Variants in SOX5 observed in about 807,000 individuals in gnomAD.
SOX5 encodes the protein transcription factor SOX-5.
A neutral mutation model predicts 92.0 loss-of-function variants in SOX5; 9 were observed. The ratio of observed to expected loss-of-function variants is 0.10; its 90% CI spans 0.06 to 0.17. SOX5 has a LOEUF of 0.17. Ranked by LOEUF, SOX5 falls within the 10% of genes least tolerant of loss-of-function variation. SOX5 has a pLI of 1.00. For synonymous variants in SOX5, 344 were observed against 336.3 expected (o/e 1.02, Z -0.25); for missense variants, 642 against 944.5 (o/e 0.68, Z 4.20).
chr12:24,290,195 T>TA (rs1239488526), intron 2 of SOX5, among the ~76,000 whole-genome samples: 1 of 152,204 alleles, frequency 6.6e-6, no homozygotes, highest in African/African-American at 2.4e-5. Flanking sequence ...ATACTGTTTT[T>TA]AACAGATGGC....
At chr12:24,513,037 T>C (rs1949466567) in intron 1 of SOX5, among the ~76,000 whole-genome samples, 1 of 152,228 alleles carries the variant, frequency 6.6e-6, no homozygotes, top group African/African-American at 2.4e-5. Flanking sequence ...CTCATGCTAC[T>C]GATATGTGGT....
chr12:23,651,219 C>A (rs1473994283), intron 7 of SOX5, among the ~76,000 whole-genome samples: 1 of 151,822 alleles, frequency 6.6e-6, no homozygotes, highest in Non-Finnish European at 1.5e-5. Context: ...TACATATACA[C>A]ATATATACAT....
At chr12:24,040,893 A>T (rs982371495) in intron 4 of SOX5, among the ~76,000 whole-genome samples, 6 of 152,124 alleles carry the variant, frequency 3.9e-5, no homozygotes, top group Admixed American at 6.5e-5. Context: ...CAAAAAAAAA[A>T]TTCATTTAAT....
intron 1 of SOX5, among the ~76,000 whole-genome samples, chr12:24,455,671 G>A (rs574681896): frequency 4.6e-5 from 7 of 152,294 alleles, no homozygotes; most frequent in Non-Finnish European, 1.0e-4. Context: ...GCATTCCAAT[G>A]AAGACTGATA....
chr12:23,710,237 T>G (rs996046437), intron 6 of SOX5, among the ~76,000 whole-genome samples: 1 of 152,088 alleles, frequency 6.6e-6, no homozygotes, highest in Non-Finnish European at 1.5e-5. Context: ...GTGCAATATA[T>G]GATATATATT....
chr12:23,928,985 A>G (rs1465531263), intron 1 of SOX5, among the ~76,000 whole-genome samples: 6 of 151,524 alleles, frequency 4.0e-5, no homozygotes. Context: ...AATATCTGAA[A>G]GAAAATTATA....
chr12:24,249,890 T>C (rs762610571), intron 3 of SOX5, among the ~76,000 whole-genome samples: 3 of 152,238 alleles, frequency 2.0e-5, no homozygotes, highest in Non-Finnish European at 4.4e-5. Flanking sequence ...TAGTGCTTTT[T>C]TTTCCTTTCC....
intron 3 of SOX5, among the ~76,000 whole-genome samples, chr12:23,841,831 T>C (rs1197329473): frequency 6.6e-6 from 1 of 152,114 alleles, no homozygotes; most frequent in African/African-American, 2.4e-5. Context: ...TTTGGAGTGG[T>C]GAAGGCTATT....
chr12:24,298,792 A>AAAAAAG (rs2140606200), intron 2 of SOX5, among the ~76,000 whole-genome samples: 1 of 150,198 alleles, frequency 6.7e-6, no homozygotes, highest in African/African-American at 2.4e-5. Flanking sequence ...TCAAAAAAAA[A>AAAAAAG]AAAAAAAACT....
At chr12:23,680,426 A>G (rs1459636842) in intron 6 of SOX5, among the ~76,000 whole-genome samples, 2 of 151,874 alleles carry the variant, frequency 1.3e-5, no homozygotes, top group African/African-American at 4.8e-5. Context: ...ACTAACCATA[A>G]AAGAAATCCA....
At chr12:24,108,940 T>C (rs760364258) in intron 4 of SOX5, among the ~76,000 whole-genome samples, 1 of 152,162 alleles carries the variant, frequency 6.6e-6, no homozygotes, top group Non-Finnish European at 1.5e-5. Flanking sequence ...TGATTTTTAC[T>C]TAAAGATGGT....
intron 1 of SOX5, among the ~76,000 whole-genome samples, chr12:24,549,931 AG>A (rs1952990222): frequency 6.6e-6 from 1 of 152,286 alleles, no homozygotes; most frequent in Non-Finnish European, 1.5e-5. Flanking sequence ...TCAGGGTGAG[AG>A]GGGTGAATAT....
At chr12:24,146,948 A>T (rs1282453989) in intron 4 of SOX5, among the ~76,000 whole-genome samples, 1 of 152,150 alleles carries the variant, frequency 6.6e-6, no homozygotes, top group Non-Finnish European at 1.5e-5. Flanking sequence ...AGATAACACA[A>T]ATAGCTTCAT....
intron 3 of SOX5, among the ~76,000 whole-genome samples, chr12:23,816,248 C>T (rs1411635071): frequency 6.8e-6 from 1 of 146,678 alleles, no homozygotes; most frequent in African/African-American, 2.5e-5. Flanking sequence ...CTCGGTCTGT[C>T]GCCCAGGCTG....
chr12:23,754,735 G>T (rs973714954), intron 4 of SOX5, among the ~76,000 whole-genome samples: 10 of 151,752 alleles, frequency 6.6e-5, no homozygotes, highest in African/African-American at 2.4e-4. Context: ...AGAGAAAATT[G>T]CTTCTGTCAT....
chr12:24,317,990 C>A (rs1380823702), intron 2 of SOX5, among the ~76,000 whole-genome samples: 1 of 152,124 alleles, frequency 6.6e-6, no homozygotes, highest in Non-Finnish European at 1.5e-5. Flanking sequence ...GTGGGCGGAT[C>A]ACCTGAGGTC....
Position 23,740,813 on chromosome 12 carries a change from T to C in SOX5, c.741+54A>G, listed in dbSNP as rs755091402. On this transcript the variant is annotated intron_variant, in intron 5 of 14. Coordinates refer to ENST00000451604, the MANE Select transcript of SOX5 (RefSeq NM_006940.6). ...TGTGCCTAGGACAGTGACCTATAAG[T>C]AGCAGGCAAAGTAATGTCTGAGGAA... The C allele has an allele frequency of 4.2e-5, 61 of 1,448,534 alleles. 1 individual carries two copies. The highest frequency in any genetic ancestry group is 3.2e-4 in the Admixed American group (18 of 56,374). 89.7% of individuals were successfully genotyped at this position (1,448,534 alleles called of 1,614,324 possible). A position where few individuals can be genotyped will look rare whatever the true frequency, so the allele number is the denominator to read the frequency against.
At chr12:24,068,700 GTGTGTA>G (rs1173842710) in intron 4 of SOX5, among the ~76,000 whole-genome samples, 9 of 54,086 alleles carry the variant, frequency 1.7e-4, no homozygotes, top group African/African-American at 2.3e-4. Context: ...GTGTGTGTGT[GTGTGTA>G]TATATATATA....
intron 1 of SOX5, among the ~76,000 whole-genome samples, chr12:23,931,636 T>A (rs990735312): frequency 6.6e-6 from 1 of 151,756 alleles, no homozygotes; most frequent in South Asian, 2.1e-4. Flanking sequence ...TGCTTCTAAT[T>A]TTTTTCAAAA....
Sources: gnomAD v4.1 joint callset for allele counts (sites outside exome capture counted in the v4.1 genomes callset) on GRCh38, gnomAD v4.1.1 for gene constraint, MANE v1.5 for transcripts, NCBI Gene and HGNC (gene_info 2026-07-23, HGNC 2026-07-21) for gene names.